HHAT: variants seen among roughly 807,000 people sequenced by gnomAD.
The protein encoded by HHAT is hedgehog acyltransferase.
HHAT carries 47 observed loss-of-function variants against 70.8 expected under a neutral mutation model. The observed-to-expected ratio is 0.66, with a 90% CI of 0.53 to 0.85. HHAT has a LOEUF of 0.85. HHAT is among the 40% of genes least tolerant of loss of function. The probability of loss-of-function intolerance (pLI) is 0.00; values close to 1 mark genes in which losing one functional copy is unlikely to be tolerated. For missense variants in HHAT, 609 were observed against 604.8 expected (o/e 1.01, Z -0.07); for synonymous variants, 228 against 247.6 (o/e 0.92, Z 0.74).
intron 3 of HHAT, chr1:210,374,281 A>T (rs766075770): frequency 6.6e-6 from 1 of 152,212 alleles, no homozygotes; most frequent in African/African-American, 2.4e-5. Flanking sequence ...GCTACAAATT[A>T]GTTCAACTCA....
At chr1:210,586,786 T>G (rs925880369) in intron 9 of HHAT, among the ~76,000 whole-genome samples, 5 of 152,230 alleles carry the variant, frequency 3.3e-5, no homozygotes, top group Admixed American at 6.5e-5. Context: ...AAGGGTATGC[T>G]CCTAGCTTTC....
chr1:210,503,647 A>G (rs958877570), intron 8 of HHAT, among the ~76,000 whole-genome samples: 2 of 152,186 alleles, frequency 1.3e-5, no homozygotes, highest in African/African-American at 4.8e-5. Context: ...CCTTCAGGAC[A>G]TAACTCTTCC....
chr1:210,347,231 A>T (rs2086603751), intron 1 of HHAT, among the ~76,000 whole-genome samples: 1 of 152,154 alleles, frequency 6.6e-6, no homozygotes, highest in African/African-American at 2.4e-5. Context: ...TTCACATATA[A>T]GTGAGATCAT....
chr1:210,503,885 T>C (rs1056472504), intron 8 of HHAT, among the ~76,000 whole-genome samples: 3 of 152,218 alleles, frequency 2.0e-5, no homozygotes, highest in Non-Finnish European at 2.9e-5. Flanking sequence ...TAACTCAAAG[T>C]AGATCATGAA....
chr1:210,501,074 T>C (rs73077522), intron 8 of HHAT, among the ~76,000 whole-genome samples: 3,331 of 152,350 alleles, frequency 0.022, 144 homozygotes, highest in African/African-American at 0.076. Flanking sequence ...TTATCTCTTC[T>C]TTGGCATTTG....
chr1:210,397,140 G>A (rs1454668373), intron 4 of HHAT, among the ~76,000 whole-genome samples: 1 of 152,170 alleles, frequency 6.6e-6, no homozygotes, highest in African/African-American at 2.4e-5. Flanking sequence ...GGAAGAAACT[G>A]GGTAAAGTAT....
rs112403552 is a variant in HHAT, at chr1:210,600,725, T to C, written c.1245+12626T>C. 5.2e-3 allele frequency among the ~76,000 whole-genome samples: 799 copies of C among 152,274 alleles called. 9 individuals are homozygous for C. The highest frequency in any genetic ancestry group is 0.018 in the African/African-American group (765 of 41,554). Reference sequence around the variant, plus strand: ...AGGGAGTGAGGATTTCTGTTTAGCATTGAAATATTTTAATCAGAGGAAACA... The same window carrying C: ...AGGGAGTGAGGATTTCTGTTTAGCACTGAAATATTTTAATCAGAGGAAACA... On this transcript the variant is annotated intron_variant, in intron 10 of 11. Transcript: ENST00000261458.
intron 8 of HHAT, among the ~76,000 whole-genome samples, chr1:210,473,456 C>T (rs2094244456): frequency 2.0e-5 from 3 of 151,802 alleles, no homozygotes; most frequent in Admixed American, 2.0e-4. Flanking sequence ...TTGGGGGGCT[C>T]AGAGTTTTGT....
intron 10 of HHAT, among the ~76,000 whole-genome samples, chr1:210,616,210 T>C (rs1667696477): frequency 6.6e-6 from 1 of 151,620 alleles, no homozygotes; most frequent in Non-Finnish European, 1.5e-5. Flanking sequence ...TCTACTCTCT[T>C]AGTGATTTTC....
At chr1:210,465,823 T>G (rs1368014073) in intron 8 of HHAT, among the ~76,000 whole-genome samples, 1 of 152,254 alleles carries the variant, frequency 6.6e-6, no homozygotes, top group Non-Finnish European at 1.5e-5. Flanking sequence ...CTAGTTTGCT[T>G]CTTGGAGTAA....
intron 9 of HHAT, among the ~76,000 whole-genome samples, chr1:210,548,403 G>T (rs956931926): frequency 3.3e-5 from 5 of 152,204 alleles, no homozygotes; most frequent in African/African-American, 1.2e-4. Context: ...AAAATAGTAG[G>T]TGTTTAATAA....
intron 9 of HHAT, among the ~76,000 whole-genome samples, chr1:210,552,279 G>A (rs2095533823): frequency 6.6e-6 from 1 of 152,186 alleles, no homozygotes; most frequent in South Asian, 2.1e-4. Context: ...AGAGGGCTCT[G>A]GGAGAAAGCT....
intron 7 of HHAT, among the ~76,000 whole-genome samples, chr1:210,425,298 G>A (rs1475716341): frequency 6.6e-6 from 1 of 152,140 alleles, no homozygotes; most frequent in Non-Finnish European, 1.5e-5. Context: ...TTTGTAGGTT[G>A]TCTGTTTACT....
At chr1:210,525,737 G>A (rs907038634) in intron 9 of HHAT, among the ~76,000 whole-genome samples, 7 of 152,116 alleles carry the variant, frequency 4.6e-5, no homozygotes, top group African/African-American at 1.7e-4. Flanking sequence ...GTGAATAAAT[G>A]TATCTTTTAA....
At chr1:210,409,559 T>C (rs2092455165) in intron 6 of HHAT, among the ~76,000 whole-genome samples, 1 of 152,018 alleles carries the variant, frequency 6.6e-6, no homozygotes, top group South Asian at 2.1e-4. Flanking sequence ...TATAAAGGAA[T>C]ACAACAACTG....
intron 9 of HHAT, among the ~76,000 whole-genome samples, chr1:210,520,470 G>A (rs2095139429): frequency 6.6e-6 from 1 of 151,864 alleles, no homozygotes; most frequent in African/African-American, 2.4e-5. Flanking sequence ...CTGGTTTGGT[G>A]GTTTTCTGTG....
chr1:210,403,310 G>A (rs1286583962), intron 5 of HHAT, among the ~76,000 whole-genome samples: 1 of 152,186 alleles, frequency 6.6e-6, no homozygotes, highest in Non-Finnish European at 1.5e-5. Flanking sequence ...ATAAAAACAA[G>A]CTCATACCTA....
chr1:210,380,551 A>G (rs181716723), intron 3 of HHAT, among the ~76,000 whole-genome samples: 1 of 151,282 alleles, frequency 6.6e-6, no homozygotes, highest in Non-Finnish European at 1.5e-5. Context: ...AAAAATAAAT[A>G]AAATAAAATA....
intron 7 of HHAT, among the ~76,000 whole-genome samples, chr1:210,426,251 G>A (rs938373075): frequency 6.6e-6 from 1 of 152,112 alleles, no homozygotes; most frequent in Non-Finnish European, 1.5e-5. Flanking sequence ...GGGCTGAGAC[G>A]ATGGCATTTT....
Sources: gnomAD v4.1 joint callset for allele counts (sites outside exome capture counted in the v4.1 genomes callset) on GRCh38, gnomAD v4.1.1 for gene constraint, MANE v1.5 for transcripts, NCBI Gene and HGNC (gene_info 2026-07-23, HGNC 2026-07-21) for gene names.